Variants in HS6ST3 observed in about 807,000 individuals in gnomAD.
HS6ST3 encodes the protein heparan-sulfate 6-O-sulfotransferase 3.
A neutral mutation model predicts 36.7 loss-of-function variants in HS6ST3; 12 were observed. That is an observed-to-expected ratio of 0.33 (90% CI 0.21 to 0.53). HS6ST3 has a LOEUF of 0.53. Among genes scored for constraint, HS6ST3 ranks in the 20% least tolerant of loss-of-function variants. HS6ST3 has a pLI of 0.95. For missense variants in HS6ST3, 584 were observed against 640.9 expected (o/e 0.91, Z 0.96); for synonymous variants, 240 against 257.5 (o/e 0.93, Z 0.65).
chr13:96,304,720 T>TC (rs1444933944), intron 1 of HS6ST3, among the ~76,000 whole-genome samples: 2,158 of 134,970 alleles, frequency 0.016, 6 homozygotes, highest in East Asian at 0.021. Context: ...TCTTTTTTTT[T>TC]TTTTTTTTTT....
At chr13:96,825,319 T>G (rs1878625622) in intron 1 of HS6ST3, among the ~76,000 whole-genome samples, 1 of 152,244 alleles carries the variant, frequency 6.6e-6, no homozygotes, top group African/African-American at 2.4e-5. Flanking sequence ...CTTATACTCT[T>G]CATTCTACCA....
At chr13:96,232,821 G>T (rs554926117) in intron 1 of HS6ST3, among the ~76,000 whole-genome samples, 4 of 152,132 alleles carry the variant, frequency 2.6e-5, no homozygotes, top group Non-Finnish European at 5.9e-5. Flanking sequence ...ACTGGTCTAG[G>T]GGTTCTGGCT....
chr13:96,521,189 AG>A (rs2056091928), intron 1 of HS6ST3, among the ~76,000 whole-genome samples: 1 of 152,218 alleles, frequency 6.6e-6, no homozygotes, highest in Non-Finnish European at 1.5e-5. Context: ...CTTGCATCCC[AG>A]GGATGAAGCC....
chr13:96,741,220 A>T (rs936317842), intron 1 of HS6ST3, among the ~76,000 whole-genome samples: 2 of 152,140 alleles, frequency 1.3e-5, no homozygotes, highest in Non-Finnish European at 2.9e-5. Flanking sequence ...TGTTCTTGCC[A>T]CTGAGCAACA....
At chr13:96,162,113 A>G (rs1397026031) in intron 1 of HS6ST3, among the ~76,000 whole-genome samples, 2 of 152,220 alleles carry the variant, frequency 1.3e-5, no homozygotes, top group Non-Finnish European at 2.9e-5. Context: ...GAACAGCTTA[A>G]TAGTACACCA....
At chr13:96,635,089 G>T (rs2056544689) in intron 1 of HS6ST3, among the ~76,000 whole-genome samples, 1 of 152,056 alleles carries the variant, frequency 6.6e-6, no homozygotes, top group East Asian at 1.9e-4. Context: ...AGCTCCCGTG[G>T]TCTTTCATCA....
chr13:96,619,075 T>C (rs777155947), intron 1 of HS6ST3, among the ~76,000 whole-genome samples: 2 of 152,156 alleles, frequency 1.3e-5, no homozygotes, highest in Non-Finnish European at 2.9e-5. Context: ...ATGATAGTTC[T>C]TCTCTAAAAG....
intron 1 of HS6ST3, among the ~76,000 whole-genome samples, chr13:96,556,017 A>G (rs2056239485): frequency 6.6e-6 from 1 of 152,214 alleles, no homozygotes; most frequent in Non-Finnish European, 1.5e-5. Context: ...ATCATAGATC[A>G]TTGTATCTTG....
At chr13:96,324,593 C>T (rs1278549529) in intron 1 of HS6ST3, among the ~76,000 whole-genome samples, 2 of 152,088 alleles carry the variant, frequency 1.3e-5, no homozygotes, top group African/African-American at 2.4e-5. Context: ...GTGAATGTGA[C>T]CTTATTTGGA....
chr13:96,514,678 A>T (rs562493104), intron 1 of HS6ST3, among the ~76,000 whole-genome samples: 1 of 152,064 alleles, frequency 6.6e-6, no homozygotes, highest in Non-Finnish European at 1.5e-5. Context: ...TGGACTTCCA[A>T]CCTCCAGAAC....
intron 1 of HS6ST3, among the ~76,000 whole-genome samples, chr13:96,383,546 C>A (rs1384176285): frequency 6.6e-6 from 1 of 152,174 alleles, no homozygotes; most frequent in Non-Finnish European, 1.5e-5. Context: ...GAACAATGAA[C>A]CACACCTGGT....
chr13:96,581,541 C>T (rs116564179), intron 1 of HS6ST3, among the ~76,000 whole-genome samples: 8,318 of 152,002 alleles, frequency 0.055, 255 homozygotes, highest in Middle Eastern at 0.089. Flanking sequence ...TTTTTGAGTC[C>T]GTTTTTGGAT....
chr13:96,191,031 C>T (rs553776284), intron 1 of HS6ST3, among the ~76,000 whole-genome samples: 1 of 152,194 alleles, frequency 6.6e-6, no homozygotes. Context: ...GCTCCATCAT[C>T]AAGCCAGAAG....
At chr13:96,432,809 T>C (rs1228505165) in intron 1 of HS6ST3, among the ~76,000 whole-genome samples, 1 of 152,228 alleles carries the variant, frequency 6.6e-6, no homozygotes, top group African/African-American at 2.4e-5. Flanking sequence ...TAATAATAAC[T>C]TTATTATCAT....
At chr13:96,567,241 T>A (rs1566399004) in intron 1 of HS6ST3, among the ~76,000 whole-genome samples, 2 of 152,092 alleles carry the variant, frequency 1.3e-5, no homozygotes, top group Non-Finnish European at 2.9e-5. Context: ...CACTAAGTAC[T>A]GAGCAAAAAT....
chr13:96,636,842 G>A (rs2056551564), intron 1 of HS6ST3, among the ~76,000 whole-genome samples: 1 of 152,022 alleles, frequency 6.6e-6, no homozygotes, highest in Non-Finnish European at 1.5e-5. Context: ...ATATATATTT[G>A]GAGATTTCTG....
At chr13:96,658,265 C>CTTTTTTTTTTT (rs1594829381) in intron 1 of HS6ST3, among the ~76,000 whole-genome samples, 1 of 67,286 alleles carries the variant, frequency 1.5e-5, no homozygotes, top group East Asian at 6.1e-4. Context: ...TTCTCTTCTT[C>CTTTTTTTTTTT]TTCTTTTTTT....
At chr13:96,399,366 A>G (rs1309349503) in intron 1 of HS6ST3, among the ~76,000 whole-genome samples, 2 of 152,162 alleles carry the variant, frequency 1.3e-5, no homozygotes, top group Non-Finnish European at 2.9e-5. Context: ...TTTATTTTAT[A>G]GATGAGAAAA....
intron 1 of HS6ST3, among the ~76,000 whole-genome samples, chr13:96,579,015 C>T (rs995171302): frequency 3.3e-5 from 5 of 152,002 alleles, no homozygotes; most frequent in South Asian, 4.1e-4. Flanking sequence ...AGAGTTTGCA[C>T]AATTAAATTA....
Sources: gnomAD v4.1 joint callset for allele counts (sites outside exome capture counted in the v4.1 genomes callset) on GRCh38, gnomAD v4.1.1 for gene constraint, MANE v1.5 for transcripts, NCBI Gene and HGNC (gene_info 2026-07-23, HGNC 2026-07-21) for gene names.